FAM24B: variants seen among roughly 807,000 people sequenced by gnomAD.
The protein encoded by FAM24B is protein FAM24B.
FAM24B carries 3 observed loss-of-function variants against 2.3 expected under a neutral mutation model. The observed-to-expected ratio is 1.29, with a 90% CI of 0.59 to 3.32. The LOEUF (loss-of-function observed/expected upper bound fraction) is 3.32. Ranked by LOEUF, FAM24B falls within the 30% of genes most tolerant of loss-of-function variation. The pLI is 0.03. For missense variants in FAM24B, 98 were observed against 117.2 expected (o/e 0.84, Z 0.76); for synonymous variants, 36 against 46.3 (o/e 0.78, Z 0.90).
intron 1 of FAM24B, among the ~76,000 whole-genome samples, chr10:122,856,854 C>T (rs920575949): frequency 6.6e-6 from 1 of 152,170 alleles, no homozygotes; most frequent in Admixed American, 6.5e-5. Flanking sequence ...ACTGCTGCTT[C>T]CCTCAGCCAC....
rs552504298 is a variant in FAM24B, at chr10:122,858,722, C to T, written c.-177-2936G>A. On this transcript the variant is annotated intron_variant, in intron 1 of 3. Transcript: ENST00000368898. ...CCACAGAGAGTGGTTACCCAGGTAGCCCTCACTGTCTGTGGGGCACACAGA... is the reference window on the plus strand; with the variant it reads ...CCACAGAGAGTGGTTACCCAGGTAGTCCTCACTGTCTGTGGGGCACACAGA... Among the ~76,000 whole-genome samples the T allele has an allele frequency of 7.9e-5, 12 of 152,134 alleles. No homozygotes were observed. The South Asian group carries it at 2.5e-3, about 32-fold the overall frequency.
At chr10:122,865,287 A>C (rs1340517964) in intron 1 of FAM24B, among the ~76,000 whole-genome samples, 1 of 152,156 alleles carries the variant, frequency 6.6e-6, no homozygotes, top group African/African-American at 2.4e-5. Flanking sequence ...AGAAGTTTCC[A>C]TCTATTTCTA....
chr10:122,874,876 C>T lies in FAM24B; in HGVS notation c.-178+4609G>A, dbSNP rs148697216. 2.3e-4 allele frequency among the ~76,000 whole-genome samples: 35 copies of T among 152,230 alleles called. No homozygotes were observed. In the East Asian group the frequency reaches 5.2e-3, roughly 23 times the overall value. Reference sequence around the variant, plus strand: ...TAGCGTTACTGCATTTTATGTGTGGCCCAAGACAATTCTTCTTTTCCCAGG... The same window carrying T: ...TAGCGTTACTGCATTTTATGTGTGGTCCAAGACAATTCTTCTTTTCCCAGG... On this transcript the variant is annotated intron_variant, in intron 1 of 3. Transcript: ENST00000368898.
intron 1 of FAM24B, among the ~76,000 whole-genome samples, chr10:122,868,912 G>A (rs1375719392): frequency 1.3e-5 from 2 of 152,120 alleles, no homozygotes; most frequent in African/African-American, 2.4e-5. Flanking sequence ...CATAATGACA[G>A]GATAAAATTC....
chr10:122,878,447 C>T (rs554433433), intron 1 of FAM24B, among the ~76,000 whole-genome samples: 22 of 152,034 alleles, frequency 1.4e-4, no homozygotes, highest in Non-Finnish European at 2.2e-4. Context: ...GCAGGAGAAT[C>T]GCTTGAACCC....
chr10:122,879,322 G>A, intron 1 of FAM24B, among the ~76,000 whole-genome samples, 163 bp downstream of exon 1: 1 of 152,234 alleles, frequency 6.6e-6, no homozygotes, highest in East Asian at 1.9e-4. Flanking sequence ...GGAGAGTTCG[G>A]AGTAAAATTA....
chr10:122,850,318 G>A, intron 3 of FAM24B, 106 bp downstream of exon 3: 1 of 877,956 alleles, frequency 1.1e-6, no homozygotes, highest in Non-Finnish European at 1.9e-6. Context: ...AGCAAGGAAT[G>A]ACCTTGCTCC....
intron 1 of FAM24B, among the ~76,000 whole-genome samples, chr10:122,861,096 A>AT (rs1377040772): frequency 2.6e-5 from 4 of 152,252 alleles, no homozygotes; most frequent in Middle Eastern, 6.8e-3. Context: ...CTAAAATGTC[A>AT]TTGCCAAACC....
At chr10:122,857,262 C>T (rs1847655290) in intron 1 of FAM24B, among the ~76,000 whole-genome samples, 1 of 152,202 alleles carries the variant, frequency 6.6e-6, no homozygotes, top group Non-Finnish European at 1.5e-5. Context: ...GACATTCCAT[C>T]ATATTCGCTG....
At chr10:122,872,449 G>T (rs1847912599) in intron 1 of FAM24B, among the ~76,000 whole-genome samples, 1 of 152,124 alleles carries the variant, frequency 6.6e-6, no homozygotes, top group Non-Finnish European at 1.5e-5. Flanking sequence ...TATGCCCAAA[G>T]GATTATAAAT....
At chr10:122,852,609 A>C (rs1190350893) in intron 2 of FAM24B, among the ~76,000 whole-genome samples, 1 of 152,194 alleles carries the variant, frequency 6.6e-6, no homozygotes, top group Non-Finnish European at 1.5e-5. Context: ...CCCAGAAGTT[A>C]AGTGGAAAGT....
intron 1 of FAM24B, among the ~76,000 whole-genome samples, chr10:122,857,397 C>G (rs190249261): frequency 4.1e-4 from 62 of 152,226 alleles, no homozygotes; most frequent in Non-Finnish European, 1.0e-4. Flanking sequence ...AAAAGGGAAC[C>G]ATTTTGGTCC....
At chr10:122,864,153 A>T (rs1410767173) in intron 1 of FAM24B, among the ~76,000 whole-genome samples, 1 of 152,202 alleles carries the variant, frequency 6.6e-6, no homozygotes, top group African/African-American at 2.4e-5. Context: ...GAAGTTGTTG[A>T]AAAAATTTAG....
chr10:122,864,749 T>C (rs867846217), intron 1 of FAM24B, among the ~76,000 whole-genome samples: 1 of 152,192 alleles, frequency 6.6e-6, no homozygotes, highest in Admixed American at 6.5e-5. Flanking sequence ...TGCCAGACCC[T>C]GGCAACCATT....
upstream of FAM24B, chr10:122,879,641 C>T (rs1373524610): frequency 1.9e-5 from 3 of 154,052 alleles, no homozygotes; most frequent in East Asian, 5.5e-4. Context: ...GCGCATGCTC[C>T]GCTCTTTAGC....
chr10:122,871,970 G>C (rs1269972547), intron 1 of FAM24B, among the ~76,000 whole-genome samples: 1 of 152,248 alleles, frequency 6.6e-6, no homozygotes, highest in Admixed American at 6.5e-5. Flanking sequence ...CTTCTGCACA[G>C]CAAAAGAAAC....
chr10:122,850,573 G>T, intron 2 of FAM24B, 23 bp from the exon 3 acceptor site: 2 of 1,270,178 alleles, frequency 1.6e-6, no homozygotes, highest in African/African-American at 1.5e-5. Flanking sequence ...GTGCAAGCAA[G>T]CACTGAGCCC....
chr10:122,851,206 A>G (rs1050503643), intron 2 of FAM24B, among the ~76,000 whole-genome samples: 9 of 152,222 alleles, frequency 5.9e-5, no homozygotes, highest in African/African-American at 2.2e-4. Flanking sequence ...AGAATAAACA[A>G]TCTGATTGCC....
intron 1 of FAM24B, among the ~76,000 whole-genome samples, chr10:122,868,784 C>A (rs900035072): frequency 6.6e-6 from 1 of 152,160 alleles, no homozygotes; most frequent in Non-Finnish European, 1.5e-5. Context: ...CTGAAGGAAG[C>A]ACTAAACATG....
Sources: allele counts gnomAD v4.1 joint callset (sites outside exome capture counted in the v4.1 genomes callset), GRCh38; gene constraint gnomAD v4.1.1; transcripts MANE v1.5; gene names NCBI Gene and HGNC (gene_info 2026-07-23, HGNC 2026-07-21).